Variants in CTH observed in about 807,000 individuals in gnomAD.
CTH encodes cystathionase (cystathionine gamma-lyase).
A neutral mutation model predicts 50.6 loss-of-function variants in CTH; 41 were observed. The ratio of observed to expected loss-of-function variants is 0.81; its 90% CI spans 0.63 to 1.05. CTH has a LOEUF of 1.05. Ranked by LOEUF, CTH falls within the 50% of genes least tolerant of loss-of-function variation. The pLI is 0.00. For synonymous variants in CTH, 156 were observed against 168.9 expected (o/e 0.92, Z 0.59); for missense variants, 470 against 492.6 (o/e 0.95, Z 0.43).
In CTH at chr1:70,430,397, A is replaced by G. The variant is rs1362302901; in HGVS notation, c.724+3A>G. On this transcript the variant is annotated splice_donor_region_variant and intron_variant, in intron 7 of 11. Coordinates refer to ENST00000370938, the MANE Select transcript of CTH (RefSeq NM_001902.6). ...TAGACTTCGTTTCTTGCAAAACTGTAAGTATTAAAAAGTGCAGGTTCCCTA... is the reference window on the plus strand; with the variant it reads ...TAGACTTCGTTTCTTGCAAAACTGTGAGTATTAAAAAGTGCAGGTTCCCTA... 3.4e-6 allele frequency: 5 copies of G among 1,451,718 alleles called. No homozygotes were observed. The highest frequency in any genetic ancestry group is 1.1e-5 in the South Asian group (1 of 87,792). The allele number at this position is 1,451,718 out of a possible 1,614,324, so 89.9% of individuals were successfully genotyped here.
intron 2 of CTH, among the ~76,000 whole-genome samples, chr1:70,416,502 C>T (rs1025416071): frequency 1.3e-4 from 19 of 151,720 alleles, no homozygotes; most frequent in Non-Finnish European, 2.4e-4. Flanking sequence ...AAGCGATTCT[C>T]CTGCCTCAGC....
chr1:70,430,473 G>A, intron 7 of CTH, 79 bp downstream of exon 7: 1 of 759,034 alleles, frequency 1.3e-6, no homozygotes, highest in East Asian at 2.5e-5. Context: ...TAAGTGATGT[G>A]AAGTGATGGC....
At chr1:70,429,395 T>G (rs911755096) in intron 5 of CTH, among the ~76,000 whole-genome samples, 13 of 152,214 alleles carry the variant, frequency 8.5e-5, no homozygotes, top group Admixed American at 2.6e-4. Context: ...TTATACTTAC[T>G]CTACATAAAA....
chr1:70,432,345 T>A, intron 8 of CTH, 110 bp downstream of exon 8: 1 of 1,346,762 alleles, frequency 7.4e-7, no homozygotes, highest in Non-Finnish European at 1.0e-6. Context: ...GTATTGTTTT[T>A]GTTCATTTAT....
At chr1:70,420,149 C>T (rs758655104) in intron 3 of CTH, among the ~76,000 whole-genome samples, 7 of 152,088 alleles carry the variant, frequency 4.6e-5, no homozygotes, top group East Asian at 1.9e-4. Context: ...TGTGCCACCA[C>T]GCCTGGCTAA....
intron 10 of CTH, among the ~76,000 whole-genome samples, chr1:70,436,256 G>A (rs1684596139): frequency 6.6e-6 from 1 of 152,084 alleles, no homozygotes; most frequent in African/African-American, 2.4e-5. Flanking sequence ...AGGTTGCAGT[G>A]AGCCGAGGTT....
At chr1:70,413,068 A>G (rs1684005825) in intron 1 of CTH, among the ~76,000 whole-genome samples, 1 of 152,042 alleles carries the variant, frequency 6.6e-6, no homozygotes, top group Admixed American at 6.6e-5. Context: ...AATTAGTTAA[A>G]GTCTGTAAGT....
chr1:70,438,625 G>C (rs1684648311), intron 10 of CTH, 63 bp from the exon 11 acceptor site: 1 of 1,589,830 alleles, frequency 6.3e-7, no homozygotes, highest in Middle Eastern at 1.7e-4. Flanking sequence ...CAGTTTATGA[G>C]ACAGAAACAT....
At chr1:70,426,170 C>T (rs1415367781) in intron 5 of CTH, among the ~76,000 whole-genome samples, 1 of 152,050 alleles carries the variant, frequency 6.6e-6, no homozygotes, top group Admixed American at 6.6e-5. Context: ...TTTTGTGTTT[C>T]ACTTTCTTTT....
intron 4 of CTH, among the ~76,000 whole-genome samples, chr1:70,423,841 T>C (rs1684284856): frequency 6.6e-6 from 1 of 152,208 alleles, no homozygotes; most frequent in African/African-American, 2.4e-5. Flanking sequence ...ATTAAGTTCA[T>C]ATTAAATATA....
chr1:70,433,420 G>A (rs991784977), intron 8 of CTH, among the ~76,000 whole-genome samples: 5 of 152,108 alleles, frequency 3.3e-5, no homozygotes, highest in Non-Finnish European at 7.4e-5. Flanking sequence ...TTTATTAAAC[G>A]CCAGCTATGA....
At chr1:70,439,074 TA>T in intron 11 of CTH, 26 bp from the exon 12 acceptor site, 1 of 1,604,608 alleles carries the variant, frequency 6.2e-7, no homozygotes, top group Non-Finnish European at 8.5e-7. Flanking sequence ...TTTAATAACA[TA>T]TTTTTCTTGT....
rs1242905797 is a variant in CTH, at chr1:70,430,430, C to T, written c.724+36C>T. 4.3e-6 allele frequency: 4 copies of T among 939,126 alleles called. No individual in the cohort carries two copies. The Admixed American group carries it at 5.1e-5, about 12-fold the overall frequency. The allele number at this position is 939,126 out of a possible 1,614,324, so 58.2% of individuals were successfully genotyped here. A position where few individuals can be genotyped will look rare whatever the true frequency, so the allele number is the denominator to read the frequency against. On this transcript the variant is annotated intron_variant, in intron 7 of 11. Transcript: ENST00000370938. ...AAAAGTGCAGGTTCCCTATGACACT[C>T]TCAGTGACTACATTTGATATTTGTA...
At position 70,428,521 on chromosome 1, in the gene CTH, A is replaced by G. The variant is rs185031792; in HGVS notation, c.589-1273A>G. Among the ~76,000 whole-genome samples, 5 of 152,322 alleles carry G rather than the reference A, an allele frequency of 3.3e-5. No homozygotes were observed. The East Asian group carries it at 7.7e-4, about 24-fold the overall frequency. On this transcript the variant is annotated intron_variant, in intron 5 of 11. Transcript: ENST00000370938. Reference sequence around the variant, plus strand: ...TCCATGACTTAAAGGATTAATTTACAGGAAAATTGGGTGAAAGAAAACACT... The same window carrying G: ...TCCATGACTTAAAGGATTAATTTACGGGAAAATTGGGTGAAAGAAAACACT...
At chr1:70,423,776 A>C (rs1415752143) in intron 4 of CTH, among the ~76,000 whole-genome samples, 1 of 152,152 alleles carries the variant, frequency 6.6e-6, no homozygotes, top group Non-Finnish European at 1.5e-5. Context: ...TTTAGTCTAA[A>C]GCCCATGCTC....
chr1:70,419,961 G>A (rs1441190089), intron 3 of CTH, among the ~76,000 whole-genome samples: 2 of 150,008 alleles, frequency 1.3e-5, no homozygotes, highest in Non-Finnish European at 3.0e-5. Flanking sequence ...TAAAACAGCA[G>A]TTCCCAACCT....
At chr1:70,424,571 T>A (rs1269508927) in intron 5 of CTH, among the ~76,000 whole-genome samples, 155 bp downstream of exon 5, 2 of 152,250 alleles carry the variant, frequency 1.3e-5, no homozygotes, top group African/African-American at 4.8e-5. Flanking sequence ...TTGGACCTCT[T>A]CTACCATTAG....
intron 3 of CTH, among the ~76,000 whole-genome samples, chr1:70,420,530 T>A (rs1684192585): frequency 6.6e-6 from 1 of 152,150 alleles, no homozygotes; most frequent in African/African-American, 2.4e-5. Flanking sequence ...GACAGGAGAC[T>A]GAGCTCAGGG....
At chr1:70,423,572 T>A (rs1444151391) in intron 4 of CTH, among the ~76,000 whole-genome samples, 1 of 147,042 alleles carries the variant, frequency 6.8e-6, no homozygotes, top group Non-Finnish European at 1.5e-5. Flanking sequence ...CCCTGCTGCT[T>A]AAAAAAAAAA....
Sources: gnomAD v4.1 joint callset for allele counts (sites outside exome capture counted in the v4.1 genomes callset) on GRCh38, gnomAD v4.1.1 for gene constraint, MANE v1.5 for transcripts, NCBI Gene and HGNC (gene_info 2026-07-23, HGNC 2026-07-21) for gene names.